Variants in MIGA1 observed in about 807,000 individuals in gnomAD.
MIGA1 encodes the protein family with sequence similarity 73, member A.
Under a neutral mutation model 82.0 loss-of-function variants are expected in MIGA1, and 58 were observed. The observed-to-expected ratio is 0.71, with a 90% confidence interval of 0.57 to 0.88. MIGA1 has a LOEUF of 0.88. Ranked by LOEUF, MIGA1 falls within the 40% of genes least tolerant of loss-of-function variation. MIGA1 has a pLI of 0.00. For synonymous variants in MIGA1, 249 were observed against 253.6 expected, an observed-to-expected ratio of 0.98 and a Z score of 0.17; for missense variants, 751 against 749.1, an observed-to-expected ratio of 1.00 and a Z score of -0.03.
rs746127200 is a variant in MIGA1 at position 77,873,008 on chromosome 1, C to G, written c.1568C>G (p.Pro523Arg). 6.8e-6 allele frequency: 11 copies of G among 1,613,912 alleles called. No homozygotes were observed. The highest frequency in any genetic ancestry group is 9.3e-6 in the Non-Finnish European group (11 of 1,180,014). Residue 523 changes from proline (P) to arginine (R), a missense_variant, in exon 15 of 16, where the codon CCA becomes CGA. Around this residue, in one of 3 missense-constraint regions of MIGA1, gnomAD observed 265 missense variants for 293.6 expected, o/e 0.90. Coordinates refer to ENST00000370791, the MANE Select transcript of MIGA1 (RefSeq NM_198549.4). ...TTCTCCTTTACTTCCCAGCAGATCC[C>G]AGATGGATTTTTTGCCCATTTTTAT...
chr1:77,811,261 G>T lies in MIGA1; in HGVS notation c.638-2473G>T, dbSNP rs879052709. ...CCCAGCATCTTTCAAACCAATTTTC[G>T]CAATTCTGATAGTGAGTAATGTCAT... On this transcript the variant is annotated intron_variant, in intron 5 of 15. Transcript: ENST00000370791. 8.2e-6 allele frequency: 13 copies of T among 1,582,634 alleles called. No homozygotes were observed. The African/African-American group carries it at 1.2e-4, about 15-fold the overall frequency.
chr1:77,871,125 G>GGAGGGA (rs1553229459), intron 14 of MIGA1, among the ~76,000 whole-genome samples: 10,042 of 74,196 alleles, frequency 0.14, 1,240 homozygotes, highest in Admixed American at 0.27. Context: ...GAGAGGGAGA[G>GGAGGGA]GAGGGAGAGG....
intron 2 of MIGA1, 118 bp downstream of exon 2, chr1:77,783,469 A>T (rs2101678630): frequency 2.0e-6 from 1 of 496,444 alleles, no homozygotes; most frequent in East Asian, 3.4e-5. Context: ...AATATTTATT[A>T]CAGTAGTTAA....
intron 15 of MIGA1, 80 bp from the exon 16 acceptor site, chr1:77,874,766 G>A: frequency 1.0e-6 from 1 of 961,670 alleles, no homozygotes; most frequent in Non-Finnish European, 1.6e-6. Flanking sequence ...TCCTGATTCA[G>A]TGCTCATTAT....
At chr1:77,873,746 T>C (rs1309408057) in intron 15 of MIGA1, among the ~76,000 whole-genome samples, 1 of 152,196 alleles carries the variant, frequency 6.6e-6, no homozygotes, top group African/African-American at 2.4e-5. Flanking sequence ...GTAAACATAA[T>C]TGAGTATGAA....
At chr1:77,844,604 A>G (rs1186466887) in intron 8 of MIGA1, among the ~76,000 whole-genome samples, 1 of 152,158 alleles carries the variant, frequency 6.6e-6, no homozygotes, top group Non-Finnish European at 1.5e-5. Context: ...CGTGTGGCCA[A>G]TTTTATCTCA....
rs578164411 is a variant in MIGA1, at chr1:77,837,544, G to C, written c.896-5763G>C. On this transcript the variant is annotated intron_variant, in intron 7 of 15. Transcript: ENST00000370791. ...CTAATAGTATCTACCTCATCAAAGG[G>C]TTATTGTGGGGATTGAAAATAAGGT... Among the ~76,000 whole-genome samples the C allele has an allele frequency of 3.3e-5, 5 of 152,300 alleles. No homozygotes were observed. The South Asian group carries it at 1.0e-3, about 32-fold the overall frequency.
rs1685360235 is a variant in MIGA1, at chr1:77,858,828, C to T, written c.997-110C>T. ...AGAGACAGGGTCTTACCATGTTACC[C>T]AGGCTGGTTTCAAACTTCTGGGTTC... is the stretch of plus-strand genomic sequence containing the variant. On this transcript the variant is annotated intron_variant, in intron 8 of 15. Coordinates refer to ENST00000370791, the MANE Select transcript of MIGA1 (RefSeq NM_198549.4). The T allele has an allele frequency of 9.3e-6, 6 of 647,988 alleles. No homozygotes were observed. In the Admixed American group the frequency reaches 1.6e-4, roughly 17 times the overall value. The allele number at this position is 647,988 out of a possible 1,614,324, so 40.1% of individuals were successfully genotyped here.
chr1:77,817,010 A>G (rs1274406845), intron 7 of MIGA1, among the ~76,000 whole-genome samples: 1 of 152,220 alleles, frequency 6.6e-6, no homozygotes, highest in African/African-American at 2.4e-5. Flanking sequence ...GGCTTTGTCT[A>G]CACTGTCTAA....
intron 14 of MIGA1, 79 bp downstream of exon 14, chr1:77,866,470 G>C: frequency 1.5e-6 from 2 of 1,345,242 alleles, no homozygotes; most frequent in Admixed American, 1.7e-5. Flanking sequence ...TCACTTCTCC[G>C]GTGGGAATTG....
At chr1:77,874,636 T>C (rs1411209005) in intron 15 of MIGA1, among the ~76,000 whole-genome samples, 1 of 152,090 alleles carries the variant, frequency 6.6e-6, no homozygotes, top group African/African-American at 2.4e-5. Flanking sequence ...GGGTGGGTGG[T>C]ATTAGCCCTA....
chr1:77,847,628 T>A, intron 8 of MIGA1: 2 of 1,550,304 alleles, frequency 1.3e-6, no homozygotes, highest in Non-Finnish European at 1.8e-6. Context: ...AAAAGAGGGC[T>A]GCTGCGCTGG....
At chr1:77,838,106 A>G (rs1346423373) in intron 7 of MIGA1, among the ~76,000 whole-genome samples, 1 of 152,188 alleles carries the variant, frequency 6.6e-6, no homozygotes, top group Non-Finnish European at 1.5e-5. Flanking sequence ...ACCAAGACAT[A>G]TAGTTGATAT....
At chr1:77,859,159 C>A in intron 9 of MIGA1, 103 bp downstream of exon 9, 2 of 988,178 alleles carry the variant, frequency 2.0e-6, no homozygotes, top group Non-Finnish European at 3.1e-6. Context: ...TTTTTAGGTC[C>A]AAGTAAAGAA....
chr1:77,842,740 C>T (rs1183410601), intron 7 of MIGA1, among the ~76,000 whole-genome samples: 1 of 152,198 alleles, frequency 6.6e-6, no homozygotes, highest in Non-Finnish European at 1.5e-5. Context: ...CGGGGTTTCG[C>T]CATGTTGGCG....
intron 13 of MIGA1, among the ~76,000 whole-genome samples, chr1:77,865,224 A>G (rs1266565314): frequency 1.4e-5 from 2 of 146,902 alleles, no homozygotes; most frequent in Non-Finnish European, 3.0e-5. Flanking sequence ...TCATGGTTGT[A>G]TTTCCTAGTT....
chr1:77,800,452 A>T (rs1053169229), intron 2 of MIGA1, among the ~76,000 whole-genome samples: 2 of 152,112 alleles, frequency 1.3e-5, no homozygotes, highest in Non-Finnish European at 1.5e-5. Flanking sequence ...CCGTATTCTG[A>T]TGGAGTCAGA....
intron 13 of MIGA1, among the ~76,000 whole-genome samples, chr1:77,864,869 C>T (rs1319679050): frequency 6.6e-6 from 1 of 152,050 alleles, no homozygotes; most frequent in Non-Finnish European, 1.5e-5. Context: ...TTTTGTTGGG[C>T]TTTAAGTGTG....
chr1:77,857,513 C>G (rs1430267451), intron 8 of MIGA1, among the ~76,000 whole-genome samples: 7 of 151,764 alleles, frequency 4.6e-5, no homozygotes, highest in Non-Finnish European at 8.8e-5. Flanking sequence ...CTGCACCTGG[C>G]CCCCCCTAAT....
Sources: allele counts gnomAD v4.1 joint callset (sites outside exome capture counted in the v4.1 genomes callset), GRCh38; gene constraint gnomAD v4.1.1; regional missense constraint gnomAD v4.1.1; transcripts MANE v1.5; gene names NCBI Gene and HGNC (gene_info 2026-07-23, HGNC 2026-07-21).